UTS2: variants seen among roughly 807,000 people sequenced by gnomAD.
UTS2 encodes the protein urotensin 2.
In UTS2, 10 loss-of-function variants were observed where a neutral mutation model predicts 12.6. That is an observed-to-expected ratio of 0.80 (90% CI 0.49 to 1.35). The LOEUF is 1.35. Among genes scored for constraint, UTS2 ranks in the 40% most tolerant of loss-of-function variants. UTS2 has a pLI of 0.00. For synonymous variants in UTS2, 52 were observed against 50.0 expected, an observed-to-expected ratio of 1.04 and a Z score of -0.17; for missense variants, 142 against 143.2, an observed-to-expected ratio of 0.99 and a Z score of 0.04.
At chr1:7,860,771 G>A in the UTS2 span, among the ~76,000 whole-genome samples, 1 of 151,920 alleles carries the variant, frequency 6.6e-6, no homozygotes, top group Admixed American at 6.6e-5. Flanking sequence ...GGCTGGGCCT[G>A]GTGGCTTACA....
chr1:7,890,484 A>T, the UTS2 span, among the ~76,000 whole-genome samples: 1 of 152,118 alleles, frequency 6.6e-6, no homozygotes, highest in East Asian at 1.9e-4. Flanking sequence ...TTAAATGTAG[A>T]TCATCTTTGA....
the UTS2 span, among the ~76,000 whole-genome samples, chr1:7,913,066 T>C: frequency 2.0e-5 from 3 of 151,516 alleles, no homozygotes; most frequent in East Asian, 1.9e-4. Flanking sequence ...CAAGAGCTAA[T>C]AGTCGATTTA....
the UTS2 span, among the ~76,000 whole-genome samples, chr1:7,889,044 C>T: frequency 4.0e-5 from 6 of 149,172 alleles, no homozygotes; most frequent in Non-Finnish European, 8.9e-5. Context: ...AAACGCTCAA[C>T]ATATATTAGC....
chr1:7,875,235 A>C, the UTS2 span, among the ~76,000 whole-genome samples: 96,901 of 151,694 alleles, frequency 0.64, 31,152 homozygotes, highest in East Asian at 0.74. Flanking sequence ...CCACCAAGCC[A>C]AGCTAATTTT....
chr1:7,905,530 G>A, the UTS2 span, among the ~76,000 whole-genome samples: 2 of 152,052 alleles, frequency 1.3e-5, no homozygotes. Context: ...TTTTGCACCG[G>A]CCTAATAAAT....
At chr1:7,871,011 G>T in the UTS2 span, among the ~76,000 whole-genome samples, 1 of 152,164 alleles carries the variant, frequency 6.6e-6, no homozygotes, top group Non-Finnish European at 1.5e-5. Context: ...TCTGTGCTTG[G>T]CTATCTTAAT....
At chr1:7,902,295 T>G in the UTS2 span, among the ~76,000 whole-genome samples, 1 of 152,116 alleles carries the variant, frequency 6.6e-6, no homozygotes, top group African/African-American at 2.4e-5. Flanking sequence ...AATTATCTTC[T>G]CTCTGGGCTC....
chr1:7,890,124 TAA>T, the UTS2 span, among the ~76,000 whole-genome samples: 18 of 135,490 alleles, frequency 1.3e-4, no homozygotes, highest in Admixed American at 2.2e-4. Flanking sequence ...AGCCTCCATC[TAA>T]AAAAAAAAAA....
At chr1:7,857,737 C>A (rs1638341282), upstream of UTS2, among the ~76,000 whole-genome samples, 1 of 151,086 alleles carries the variant, frequency 6.6e-6, no homozygotes, top group Non-Finnish European at 1.5e-5. Context: ...GTGGTCTGGG[C>A]CACTTGGGAG....
At chr1:7,906,479 G>GAAAGAAAGAA in the UTS2 span, among the ~76,000 whole-genome samples, 1 of 124,976 alleles carries the variant, frequency 8.0e-6, no homozygotes, top group Non-Finnish European at 1.7e-5. Context: ...AAGAAAGAAA[G>GAAAGAAAGAA]AAAGAAAGAA....
chr1:7,887,019 C>T, the UTS2 span, among the ~76,000 whole-genome samples: 5 of 110,732 alleles, frequency 4.5e-5, no homozygotes, highest in Non-Finnish European at 6.6e-5. Context: ...CCAGCCTGGG[C>T]GACAGGGCAA....
At chr1:7,889,863 G>A in the UTS2 span, among the ~76,000 whole-genome samples, 2 of 152,138 alleles carry the variant, frequency 1.3e-5, no homozygotes, top group South Asian at 2.1e-4. Flanking sequence ...TCAGGAGATC[G>A]AGACCTCCCT....
chr1:7,888,680 A>G, the UTS2 span, among the ~76,000 whole-genome samples: 41 of 152,344 alleles, frequency 2.7e-4, no homozygotes, highest in African/African-American at 8.9e-4. Flanking sequence ...AGACCACACG[A>G]CAAGTGTGAG....
chr1:7,897,681 G>A, the UTS2 span, among the ~76,000 whole-genome samples: 2 of 152,110 alleles, frequency 1.3e-5, no homozygotes, highest in East Asian at 3.9e-4. Context: ...CCACCGCCCA[G>A]GTTCAAGCAA....
Position 7,852,951 on chromosome 1 carries a change from A to G in UTS2, c.53T>C (p.Leu18Pro), listed in dbSNP as rs200620363. 8.7e-6 allele frequency: 14 copies of G among 1,613,682 alleles called. No homozygotes were observed. The highest frequency in any genetic ancestry group is 1.6e-4 in the Middle Eastern group (1 of 6,062). ...CLLFIGFLNP[L>P]LSLPLLDSRE... Reference sequence around the variant, plus strand: ...GGAGTCAAGGAGAGGAAGAGATAAGAGAGGATTTAAGAATCCTATGAAAAG... The same window carrying G: ...GGAGTCAAGGAGAGGAAGAGATAAGGGAGGATTTAAGAATCCTATGAAAAG... The change falls in exon 1 of 4, where the codon CTC becomes CCC. Residue 18 changes from leucine (L) to proline (P), a missense_variant. By Grantham distance (98) the Leu-to-Pro change is moderately conservative. Coordinates refer to ENST00000361696, the MANE Select transcript of UTS2 (RefSeq NM_006786.4).
chr1:7,887,976 G>T, the UTS2 span, among the ~76,000 whole-genome samples: 1 of 152,060 alleles, frequency 6.6e-6, no homozygotes, highest in Non-Finnish European at 1.5e-5. Context: ...AGACCAAAGT[G>T]CATTTGTGAA....
upstream of UTS2, among the ~76,000 whole-genome samples, chr1:7,854,712 A>G (rs1416669810): frequency 6.6e-6 from 1 of 152,152 alleles, no homozygotes; most frequent in Non-Finnish European, 1.5e-5. Flanking sequence ...GATTAATAAC[A>G]ATGTATAGTT....
chr1:7,868,646 G>C, the UTS2 span, among the ~76,000 whole-genome samples: 226 of 152,362 alleles, frequency 1.5e-3, no homozygotes, highest in African/African-American at 5.3e-3. Flanking sequence ...AAACAACCTA[G>C]GTGGCCTTGG....
At chr1:7,878,928 T>C in the UTS2 span, among the ~76,000 whole-genome samples, 3 of 152,348 alleles carry the variant, frequency 2.0e-5, no homozygotes, top group East Asian at 5.8e-4. Flanking sequence ...AATGTCATTA[T>C]ATAATGATAA....
Sources: allele counts gnomAD v4.1 joint callset (sites outside exome capture counted in the v4.1 genomes callset), GRCh38; gene constraint gnomAD v4.1.1; transcripts MANE v1.5; gene names NCBI Gene and HGNC (gene_info 2026-07-23, HGNC 2026-07-21).